Variants in CDYL observed in about 807,000 individuals in gnomAD.
CDYL encodes the protein chromodomain Y like.
In CDYL, 8 loss-of-function variants were observed where a neutral mutation model predicts 47.3. The ratio of observed to expected loss-of-function variants is 0.17; its 90% CI spans 0.10 to 0.31. The LOEUF (loss-of-function observed/expected upper bound fraction) is 0.31. CDYL is among the 10% of genes least tolerant of loss of function. The pLI, the probability that CDYL is intolerant of heterozygous loss-of-function variation, is 1.00. For missense variants in CDYL, 471 were observed against 701.4 expected (o/e 0.67, Z 3.71); for synonymous variants, 266 against 265.0 (o/e 1.00, Z -0.04).
At chr6:4,803,881 A>G (rs1192247892) in intron 1 of CDYL, among the ~76,000 whole-genome samples, 1 of 151,026 alleles carries the variant, frequency 6.6e-6, no homozygotes, top group African/African-American at 2.4e-5. Context: ...ACTAGGAGGA[A>G]TTTTGGGGGT....
chr6:4,852,205 T>C (rs1259667669), intron 1 of CDYL, among the ~76,000 whole-genome samples: 1 of 152,136 alleles, frequency 6.6e-6, no homozygotes, highest in Non-Finnish European at 1.5e-5. Flanking sequence ...AATTGGAAGA[T>C]TTTCTAGTCC....
chr6:4,922,933 C>CT (rs543199320), intron 2 of CDYL, among the ~76,000 whole-genome samples: 1 of 152,090 alleles, frequency 6.6e-6, no homozygotes, highest in Non-Finnish European at 1.5e-5. Context: ...GCCCAGGGAG[C>CT]TTTTTTCCCC....
At chr6:4,809,339 T>C (rs1410961609) in intron 1 of CDYL, among the ~76,000 whole-genome samples, 1 of 152,212 alleles carries the variant, frequency 6.6e-6, no homozygotes, top group African/African-American at 2.4e-5. Context: ...CACTCTCCTA[T>C]GTATGGCATT....
intron 1 of CDYL, among the ~76,000 whole-genome samples, chr6:4,862,900 A>G (rs1190472095): frequency 1.3e-5 from 2 of 152,194 alleles, no homozygotes; most frequent in Non-Finnish European, 2.9e-5. Context: ...ACACCTGCAC[A>G]TGTATGTTTA....
In CDYL at chr6:4,925,943, G is replaced by A. The variant is rs569764402; in HGVS notation, c.692-9572G>A. ...CCTGTACTAGAACTATGCGCTTCATGTAGATTTATAACATACAACTAGTTA... is the reference window on the plus strand; with the variant it reads ...CCTGTACTAGAACTATGCGCTTCATATAGATTTATAACATACAACTAGTTA... On this transcript the variant is annotated intron_variant, in intron 2 of 6. Transcript: ENST00000397588. Among the ~76,000 whole-genome samples, 110 of 152,258 alleles carry A rather than the reference G, an allele frequency of 7.2e-4. 2 individuals carry two copies. The highest frequency in any genetic ancestry group is 2.4e-3 in the African/African-American group (100 of 41,548).
intron 3 of CDYL, among the ~76,000 whole-genome samples, chr6:4,743,452 C>G (rs1288124927): frequency 6.6e-6 from 1 of 152,206 alleles, no homozygotes; most frequent in East Asian, 1.9e-4. Flanking sequence ...TATCACAGCT[C>G]TTAGCTAAAA....
chr6:4,786,113 C>T (rs1390022712), intron 1 of CDYL, among the ~76,000 whole-genome samples: 1 of 152,176 alleles, frequency 6.6e-6, no homozygotes, highest in African/African-American at 2.4e-5. Context: ...CCAAGTTCTC[C>T]AGACGGCAGA....
At chr6:4,766,503 G>A (rs917748059) in intron 3 of CDYL, among the ~76,000 whole-genome samples, 9 of 152,008 alleles carry the variant, frequency 5.9e-5, no homozygotes, top group East Asian at 3.9e-4. Flanking sequence ...GAGCCATGGC[G>A]CCCGGCCCTG....
chr6:4,852,101 A>G (rs563781561), intron 1 of CDYL, among the ~76,000 whole-genome samples: 1 of 152,274 alleles, frequency 6.6e-6, no homozygotes, highest in African/African-American at 2.4e-5. Context: ...GGTGACATCT[A>G]GGCACCAGGC....
intron 1 of CDYL, among the ~76,000 whole-genome samples, chr6:4,856,665 G>A (rs1392024999): frequency 1.3e-5 from 2 of 152,166 alleles, no homozygotes; most frequent in Non-Finnish European, 2.9e-5. Flanking sequence ...CTGAACCTGG[G>A]TGGGAAAGAA....
At chr6:4,868,717 G>A (rs985213488) in intron 1 of CDYL, among the ~76,000 whole-genome samples, 5 of 152,158 alleles carry the variant, frequency 3.3e-5, no homozygotes, top group African/African-American at 1.2e-4. Flanking sequence ...GTTATTGATA[G>A]TGGGCTATTG....
chr6:4,858,501 C>T (rs1184782461), intron 1 of CDYL, among the ~76,000 whole-genome samples: 2 of 152,198 alleles, frequency 1.3e-5, no homozygotes, highest in Non-Finnish European at 2.9e-5. Context: ...AACCAGAGCT[C>T]ACGGAGCTTA....
At chr6:4,750,131 G>T (rs1757964938) in intron 3 of CDYL, among the ~76,000 whole-genome samples, 1 of 152,056 alleles carries the variant, frequency 6.6e-6, no homozygotes, top group Non-Finnish European at 1.5e-5. Flanking sequence ...TTGAGGCCAG[G>T]AGTTTAAGAC....
At chr6:4,835,238 G>C (rs1760264042) in intron 1 of CDYL, among the ~76,000 whole-genome samples, 1 of 152,138 alleles carries the variant, frequency 6.6e-6, no homozygotes, top group African/African-American at 2.4e-5. Context: ...GTGATATACA[G>C]ATGGGTTTTT....
intron 1 of CDYL, among the ~76,000 whole-genome samples, chr6:4,812,813 A>G (rs956728513): frequency 1.3e-5 from 2 of 152,060 alleles, no homozygotes; most frequent in Non-Finnish European, 1.5e-5. Context: ...TCTGATACTC[A>G]TCTCTGAACA....
At chr6:4,864,141 T>C (rs1390746424) in intron 1 of CDYL, among the ~76,000 whole-genome samples, 1 of 152,194 alleles carries the variant, frequency 6.6e-6, no homozygotes, top group Non-Finnish European at 1.5e-5. Flanking sequence ...TAGAATACTT[T>C]ACTAATGTAA....
intron 1 of CDYL, among the ~76,000 whole-genome samples, chr6:4,826,339 T>C (rs1759981485): frequency 6.6e-6 from 1 of 152,208 alleles, no homozygotes; most frequent in Non-Finnish European, 1.5e-5. Flanking sequence ...TCTTTTCTTC[T>C]ATTCTCTATG....
At chr6:4,865,674 G>A (rs1458858099) in intron 1 of CDYL, among the ~76,000 whole-genome samples, 1 of 152,178 alleles carries the variant, frequency 6.6e-6, no homozygotes, top group African/African-American at 2.4e-5. Context: ...GATCAGATTG[G>A]ATAAAACATA....
At chr6:4,716,872 G>A (rs1036850239) in intron 2 of CDYL, among the ~76,000 whole-genome samples, 12 of 152,082 alleles carry the variant, frequency 7.9e-5, no homozygotes, top group Admixed American at 2.6e-4. Flanking sequence ...TCTGCAAGCC[G>A]AAAAAGACAG....
Sources: allele counts gnomAD v4.1 joint callset (sites outside exome capture counted in the v4.1 genomes callset), GRCh38; gene constraint gnomAD v4.1.1; transcripts MANE v1.5; gene names NCBI Gene and HGNC (gene_info 2026-07-23, HGNC 2026-07-21).